TMEM163: variants seen among roughly 807,000 people sequenced by gnomAD.
The protein encoded by TMEM163 is transmembrane protein 163.
TMEM163 carries 17 observed loss-of-function variants against 29.3 expected under a neutral mutation model. That is an observed-to-expected ratio of 0.58 (90% CI 0.40 to 0.87). The LOEUF (loss-of-function observed/expected upper bound fraction) is 0.87. TMEM163 is among the 40% of genes least tolerant of loss of function. The pLI, the probability that TMEM163 is intolerant of heterozygous loss-of-function variation, is 0.00. For missense variants in TMEM163, 303 were observed against 381.5 expected (o/e 0.79, Z 1.71); for synonymous variants, 157 against 160.6 (o/e 0.98, Z 0.17).
intron 6 of TMEM163, among the ~76,000 whole-genome samples, chr2:134,459,467 C>T (rs1686481147): frequency 6.6e-6 from 1 of 152,162 alleles, no homozygotes; most frequent in Non-Finnish European, 1.5e-5. Context: ...CGATGTTCCT[C>T]CCTCCCTCCT....
chr2:134,599,581 G>A (rs1682176769), intron 2 of TMEM163, among the ~76,000 whole-genome samples: 1 of 151,976 alleles, frequency 6.6e-6, no homozygotes, highest in African/African-American at 2.4e-5. Flanking sequence ...ACAAAGTTCT[G>A]TTGTTTCTAA....
chr2:134,639,417 C>T (rs1574300791), intron 2 of TMEM163, among the ~76,000 whole-genome samples: 1 of 152,238 alleles, frequency 6.6e-6, no homozygotes, highest in Non-Finnish European at 1.5e-5. Context: ...AATTAGCCCA[C>T]TGTGTAGTAC....
At chr2:134,550,746 C>T (rs1429152767) in intron 3 of TMEM163, 85 bp from the exon 4 acceptor site, 3 of 1,286,740 alleles carry the variant, frequency 2.3e-6, no homozygotes, top group Admixed American at 3.5e-5. Context: ...TGCTGTGACT[C>T]AGAACATCTG....
intron 2 of TMEM163, among the ~76,000 whole-genome samples, chr2:134,619,532 T>G (rs937113129): frequency 6.6e-6 from 1 of 151,930 alleles, no homozygotes; most frequent in Non-Finnish European, 1.5e-5. Context: ...GCAGAAAGAG[T>G]ATTTGACAAT....
intron 2 of TMEM163, among the ~76,000 whole-genome samples, chr2:134,581,540 G>C (rs1334609793): frequency 2.6e-5 from 4 of 152,112 alleles, no homozygotes; most frequent in African/African-American, 9.7e-5. Flanking sequence ...ACCCCACTCT[G>C]GCTGCATTGC....
At chr2:134,633,845 C>A (rs1683032501) in intron 2 of TMEM163, among the ~76,000 whole-genome samples, 1 of 151,138 alleles carries the variant, frequency 6.6e-6, no homozygotes, top group South Asian at 2.1e-4. Context: ...GCCTGCAATC[C>A]TAGCTACTCG....
chr2:134,627,831 C>T (rs1682886890), intron 2 of TMEM163, among the ~76,000 whole-genome samples: 1 of 152,078 alleles, frequency 6.6e-6, no homozygotes, highest in Non-Finnish European at 1.5e-5. Context: ...ATGGAAATTT[C>T]AAAGAAACCA....
chr2:134,653,859 G>A (rs1299975159), intron 2 of TMEM163, among the ~76,000 whole-genome samples: 1 of 125,626 alleles, frequency 8.0e-6, no homozygotes, highest in Admixed American at 7.7e-5. Context: ...GAGCAGCTTT[G>A]AGTGAGATTC....
intron 2 of TMEM163, among the ~76,000 whole-genome samples, chr2:134,609,851 A>G (rs1682454537): frequency 6.8e-6 from 1 of 146,476 alleles, no homozygotes; most frequent in Non-Finnish European, 1.5e-5. Context: ...ACTGGTGAAA[A>G]GGAGGACAGA....
At chr2:134,605,917 A>T (rs780860091) in intron 2 of TMEM163, among the ~76,000 whole-genome samples, 4 of 152,200 alleles carry the variant, frequency 2.6e-5, no homozygotes, top group Non-Finnish European at 4.4e-5. Context: ...TATACATTAC[A>T]TACACACAAA....
At chr2:134,655,100 G>T (rs1345286550) in intron 2 of TMEM163, among the ~76,000 whole-genome samples, 1 of 132,228 alleles carries the variant, frequency 7.6e-6, no homozygotes, top group Non-Finnish European at 1.5e-5. Flanking sequence ...GGCCTGCCTT[G>T]CTAGATTGGT....
intron 2 of TMEM163, among the ~76,000 whole-genome samples, chr2:134,650,497 C>T (rs1574309848): frequency 7.8e-6 from 1 of 127,696 alleles, no homozygotes; most frequent in East Asian, 2.0e-4. Flanking sequence ...TGGATGCCTT[C>T]TATTTCTTTT....
At chr2:134,669,556 G>C (rs773033015) in intron 2 of TMEM163, among the ~76,000 whole-genome samples, 34 of 152,232 alleles carry the variant, frequency 2.2e-4, no homozygotes, top group Non-Finnish European at 4.4e-4. Flanking sequence ...CTATGCCAAT[G>C]TGGTTCCCAT....
chr2:134,481,230 C>A (rs748683946), intron 5 of TMEM163, among the ~76,000 whole-genome samples: 20 of 152,176 alleles, frequency 1.3e-4, no homozygotes, highest in Non-Finnish European at 1.2e-4. Flanking sequence ...CCTCCCCCGA[C>A]AGGTTTATTA....
At chr2:134,590,869 C>T (rs964038386) in intron 2 of TMEM163, among the ~76,000 whole-genome samples, 12 of 152,138 alleles carry the variant, frequency 7.9e-5, no homozygotes, top group African/African-American at 2.9e-4. Context: ...AAAAAAAGAA[C>T]AGCCTGCAGG....
intron 2 of TMEM163, among the ~76,000 whole-genome samples, chr2:134,712,281 C>T (rs1684942585): frequency 6.6e-6 from 1 of 152,190 alleles, no homozygotes; most frequent in African/African-American, 2.4e-5. Context: ...AGCAGATCTA[C>T]CCTTGCAGAA....
intron 4 of TMEM163, among the ~76,000 whole-genome samples, chr2:134,507,685 A>G (rs1240834505): frequency 6.6e-6 from 1 of 151,408 alleles, no homozygotes; most frequent in African/African-American, 2.4e-5. Context: ...CAACACAGAG[A>G]CCCCACCTCC....
chr2:134,580,188 A>G (rs1212861478), intron 2 of TMEM163, among the ~76,000 whole-genome samples: 1 of 152,228 alleles, frequency 6.6e-6, no homozygotes, highest in Non-Finnish European at 1.5e-5. Flanking sequence ...TAAATGCTAG[A>G]TGTCTGCACC....
chr2:134,685,608 A>C (rs1684334811), intron 2 of TMEM163, among the ~76,000 whole-genome samples: 1 of 152,226 alleles, frequency 6.6e-6, no homozygotes. Context: ...GGTTAGCCTA[A>C]TTAGATCTGG....
Sources: gnomAD v4.1 joint callset for allele counts (sites outside exome capture counted in the v4.1 genomes callset) on GRCh38, gnomAD v4.1.1 for gene constraint, MANE v1.5 for transcripts, NCBI Gene and HGNC (gene_info 2026-07-23, HGNC 2026-07-21) for gene names.